The following VTI1A variants were observed in gnomAD, a reference collection of about 807,000 sequenced individuals.
VTI1A encodes the protein vesicle transport through interaction with t-SNAREs 1A.
A neutral mutation model predicts 34.9 loss-of-function variants in VTI1A; 22 were observed. The ratio of observed to expected loss-of-function variants is 0.63; its 90% CI spans 0.45 to 0.90. The LOEUF is 0.90. Among genes scored for constraint, VTI1A ranks in the 40% least tolerant of loss-of-function variants. VTI1A has a pLI of 0.00. For synonymous variants in VTI1A, 87 were observed against 97.3 expected, an observed-to-expected ratio of 0.89 and a Z score of 0.62; for missense variants, 268 against 275.6, an observed-to-expected ratio of 0.97 and a Z score of 0.20.
chr10:112,793,649 G>A (rs1463551866), intron 7 of VTI1A, among the ~76,000 whole-genome samples: 1 of 152,182 alleles, frequency 6.6e-6, no homozygotes, highest in Non-Finnish European at 1.5e-5. Context: ...AACGCAATTA[G>A]ATACTTAAAA....
intron 7 of VTI1A, among the ~76,000 whole-genome samples, chr10:112,783,834 C>G (rs1348845294): frequency 6.6e-6 from 1 of 152,218 alleles, no homozygotes; most frequent in Non-Finnish European, 1.5e-5. Context: ...GCTGCTGGCT[C>G]TCCCGGTCCC....
chr10:112,459,283 T>G (rs1847648150), intron 1 of VTI1A, among the ~76,000 whole-genome samples: 1 of 152,252 alleles, frequency 6.6e-6, no homozygotes, highest in African/African-American at 2.4e-5. Flanking sequence ...ATGCAGGTTT[T>G]ATTTTCAGCC....
intron 7 of VTI1A, among the ~76,000 whole-genome samples, chr10:112,753,378 T>C (rs2133995522): frequency 6.6e-6 from 1 of 152,276 alleles, no homozygotes; most frequent in Non-Finnish European, 1.5e-5. Flanking sequence ...GTTTGTCTTT[T>C]ATTTTTTGTT....
chr10:112,833,729 C>CT, the VTI1A span, among the ~76,000 whole-genome samples: 2 of 152,294 alleles, frequency 1.3e-5, no homozygotes, highest in East Asian at 1.9e-4. Context: ...GGCTGACACT[C>CT]TATTTCTCCT....
At chr10:112,455,756 A>G (rs1414582762) in intron 1 of VTI1A, among the ~76,000 whole-genome samples, 1 of 151,594 alleles carries the variant, frequency 6.6e-6, no homozygotes, top group Non-Finnish European at 1.5e-5. Flanking sequence ...GGAACACTAT[A>G]AGGACCAATC....
rs761493613 is a variant in VTI1A, at chr10:112,527,135, G to A, written c.313G>A (p.Gly105Arg). ...YSDEVRNELL[G>R]DDGNSSENQR... ...TGACGAAGTACGGAATGAGCTCCTG[G>A]GGGATGATGGGAATTCCTCAGAGAA... The change falls in exon 4 of 8, where the codon GGG becomes AGG. Residue 105 changes from glycine to arginine, a missense_variant. By Grantham distance (125) the Gly-to-Arg change is moderately radical. Coordinates refer to ENST00000393077, the MANE Select transcript of VTI1A (RefSeq NM_145206.4). The A allele has an allele frequency of 6.2e-7, 1 of 1,613,384 alleles. No individual in the cohort carries two copies. The highest frequency in any genetic ancestry group is 8.5e-7 in the Non-Finnish European group (1 of 1,179,640).
chr10:112,711,097 G>A (rs2133920819), intron 7 of VTI1A, among the ~76,000 whole-genome samples: 1 of 152,050 alleles, frequency 6.6e-6, no homozygotes, highest in South Asian at 2.1e-4. Context: ...TATATTTTTG[G>A]GTATCATTTA....
intron 7 of VTI1A, among the ~76,000 whole-genome samples, chr10:112,769,028 A>G (rs889724752): frequency 2.0e-5 from 3 of 152,246 alleles, no homozygotes; most frequent in Non-Finnish European, 4.4e-5. Flanking sequence ...ACCCAAACCC[A>G]TTAGGAAGTA....
intron 5 of VTI1A, among the ~76,000 whole-genome samples, chr10:112,630,249 A>G (rs868688466): frequency 1.3e-5 from 2 of 152,170 alleles, no homozygotes; most frequent in Non-Finnish European, 2.9e-5. Flanking sequence ...AGAGCATCCT[A>G]TGGAGTCACA....
intron 5 of VTI1A, among the ~76,000 whole-genome samples, chr10:112,654,005 A>G (rs1368303868): frequency 6.6e-6 from 1 of 152,210 alleles, no homozygotes; most frequent in Non-Finnish European, 1.5e-5. Context: ...GAAGTCTAAT[A>G]AATTCCCTAT....
At chr10:112,851,935 A>G in the VTI1A span, among the ~76,000 whole-genome samples, 1 of 152,170 alleles carries the variant, frequency 6.6e-6, no homozygotes, top group Non-Finnish European at 1.5e-5. Flanking sequence ...ATTTTTCTTT[A>G]TAACTTAAGA....
chr10:112,633,125 G>T (rs1004732457), intron 5 of VTI1A, among the ~76,000 whole-genome samples: 1 of 152,178 alleles, frequency 6.6e-6, no homozygotes, highest in Admixed American at 6.5e-5. Flanking sequence ...TTTGAGAGCA[G>T]CCTGACCAAC....
intron 5 of VTI1A, among the ~76,000 whole-genome samples, chr10:112,644,286 A>G (rs1846690548): frequency 6.6e-6 from 1 of 152,222 alleles, no homozygotes; most frequent in African/African-American, 2.4e-5. Flanking sequence ...TTAGGATTTG[A>G]AGGAATTTGA....
At chr10:112,772,606 A>T (rs1418951041) in intron 7 of VTI1A, among the ~76,000 whole-genome samples, 1 of 152,196 alleles carries the variant, frequency 6.6e-6, no homozygotes, top group Admixed American at 6.5e-5. Flanking sequence ...CTAAGAGTCT[A>T]TTGTTAAAAC....
chr10:112,790,344 C>G (rs1268182260), intron 7 of VTI1A, among the ~76,000 whole-genome samples: 1 of 152,190 alleles, frequency 6.6e-6, no homozygotes, highest in African/African-American at 2.4e-5. Flanking sequence ...ACTGGTGTCT[C>G]TCAGGTCTTC....
intron 7 of VTI1A, among the ~76,000 whole-genome samples, chr10:112,801,143 G>C (rs555682119): frequency 6.6e-5 from 10 of 152,230 alleles, no homozygotes; most frequent in African/African-American, 2.2e-4. Flanking sequence ...GAACCTTCTC[G>C]AGCAGATCTT....
At chr10:112,845,522 C>G in the VTI1A span, among the ~76,000 whole-genome samples, 1 of 152,196 alleles carries the variant, frequency 6.6e-6, no homozygotes, top group African/African-American at 2.4e-5. Context: ...TGCGCAGCAG[C>G]GACCCTCTCC....
chr10:112,671,670 C>T (rs1847852467), intron 7 of VTI1A: 1 of 152,110 alleles, frequency 6.6e-6, no homozygotes, highest in Non-Finnish European at 1.5e-5. Context: ...AACCAGTGTT[C>T]CATTGATACC....
intron 5 of VTI1A, among the ~76,000 whole-genome samples, chr10:112,642,727 G>A (rs1224744836): frequency 6.6e-6 from 1 of 152,010 alleles, no homozygotes; most frequent in Non-Finnish European, 1.5e-5. Flanking sequence ...AGTCTAATGG[G>A]GAGACAGGCA....
Sources: gnomAD v4.1 joint callset for allele counts (sites outside exome capture counted in the v4.1 genomes callset) on GRCh38, gnomAD v4.1.1 for gene constraint, MANE v1.5 for transcripts, NCBI Gene and HGNC (gene_info 2026-07-23, HGNC 2026-07-21) for gene names.